Variants in FLT1 observed in about 807,000 individuals in gnomAD.
FLT1 encodes the protein vascular endothelial growth factor receptor 1.
Under a neutral mutation model 156.3 loss-of-function variants are expected in FLT1, and 49 were observed. The observed-to-expected ratio is 0.31, with a 90% CI of 0.25 to 0.40. The LOEUF (loss-of-function observed/expected upper bound fraction) is 0.40. Ranked by LOEUF, FLT1 falls within the 10% of genes least tolerant of loss-of-function variation. The pLI is 1.00. For synonymous variants in FLT1, 594 were observed against 583.8 expected, an observed-to-expected ratio of 1.02 and a Z score of -0.25; for missense variants, 1,322 against 1,637.2, an observed-to-expected ratio of 0.81 and a Z score of 3.32.
In FLT1 at chr13:28,430,071, A is replaced by G. The variant is rs750136660; in HGVS notation, c.1085T>C (p.Phe362Ser). The G allele has an allele frequency of 5.6e-6, 9 of 1,612,414 alleles. No homozygotes were observed. In the South Asian group the frequency reaches 8.8e-5, roughly 16 times the overall value. ...SYRLSMKVKAFPSPEVVWLKD... is the reference protein window; with the variant it reads ...SYRLSMKVKASPSPEVVWLKD... ...CTACCATACAACTTCCGGCGAGGGAAATGCCTTCACTTTCATAGAGAGCCG... is the reference window on the plus strand; with the variant it reads ...CTACCATACAACTTCCGGCGAGGGAGATGCCTTCACTTTCATAGAGAGCCG... Residue 362 changes from phenylalanine to serine, a missense_variant, in exon 8 of 30, where the codon TTT (phenylalanine) becomes TCT (serine). This residue lies in a region of FLT1 where 991 missense variants were observed against 1,254.8 expected (regional missense o/e 0.79). Transcript: ENST00000282397.
At chr13:28,464,395 A>G (rs532002933) in intron 3 of FLT1, among the ~76,000 whole-genome samples, 2 of 152,340 alleles carry the variant, frequency 1.3e-5, no homozygotes, top group Admixed American at 6.5e-5. Flanking sequence ...CTCCCCGACA[A>G]TCCCACAAGA....
At chr13:28,376,725 G>C (rs1873854858) in intron 14 of FLT1, among the ~76,000 whole-genome samples, 1 of 152,214 alleles carries the variant, frequency 6.6e-6, no homozygotes, top group Non-Finnish European at 1.5e-5. Flanking sequence ...GCTCAGCAAT[G>C]TCATAACTTG....
At position 28,372,062 on chromosome 13, in the gene FLT1, ATATATATATATATATTTT is replaced by A. The variant is rs1170424773; in HGVS notation, c.2116+12805_2116+12822del. 3.1e-4 allele frequency among the ~76,000 whole-genome samples: 10 copies of A among 32,566 alleles called. 1 individual carries two copies. Among genetic ancestry groups the A allele is most frequent in the East Asian group, 1.4e-3 (1 of 710 alleles). 21.4% of individuals were successfully genotyped at this position (32,566 alleles called of 152,430 possible). ...TGTGTGTGTGTGTATATATATATAT[ATATATATATATATATTTT>A]TTTTTTTTTTTTTTTTTTTGAGACA... On this transcript the variant is annotated intron_variant, in intron 14 of 29. Transcript: ENST00000282397.
intron 14 of FLT1, among the ~76,000 whole-genome samples, chr13:28,363,395 T>C (rs916786762): frequency 2.0e-5 from 3 of 152,190 alleles, no homozygotes; most frequent in Admixed American, 2.0e-4. Flanking sequence ...TCCCTTCCTT[T>C]ACCCTCTCTC....
chr13:28,345,630 G>C, intron 15 of FLT1, 79 bp from the exon 16 acceptor site: 2 of 902,082 alleles, frequency 2.2e-6, no homozygotes, highest in South Asian at 1.4e-5. Flanking sequence ...TATAAAAGAG[G>C]CTCAGTTTCC....
intron 16 of FLT1, among the ~76,000 whole-genome samples, chr13:28,342,641 A>C (rs1872381944): frequency 6.6e-6 from 1 of 152,210 alleles, no homozygotes; most frequent in Non-Finnish European, 1.5e-5. Flanking sequence ...ATCTAAGGTC[A>C]AATAGCCTGG....
Position 28,386,265 on chromosome 13 carries a change from C to T in FLT1, c.1970-1234G>A, listed in dbSNP as rs1434833990. ...TTCCCTTTTGAGTCCTGCAGGGCAA[C>T]TCTCAGGATTAGCATTTGTTAAAGC... On this transcript the variant is annotated intron_variant, in intron 13 of 29. Transcript: ENST00000282397. 4 of 1,049,868 alleles carry T rather than the reference C, an allele frequency of 3.8e-6. No homozygotes were observed. In the African/African-American group the frequency reaches 6.6e-5, roughly 17 times the overall value. The allele number at this position is 1,049,868 out of a possible 1,614,324, so 65.0% of individuals were successfully genotyped here.
chr13:28,337,237 CATCT>C (rs1302578788), intron 17 of FLT1, among the ~76,000 whole-genome samples: 1 of 151,848 alleles, frequency 6.6e-6, no homozygotes, highest in Non-Finnish European at 1.5e-5. Context: ...CAACTGCATC[CATCT>C]ATCAGGTACT....
intron 13 of FLT1, chr13:28,389,382 A>G: frequency 4.7e-6 from 6 of 1,266,006 alleles, no homozygotes; most frequent in Non-Finnish European, 6.0e-6. Context: ...ACTTAAAAAT[A>G]AAAAGAGGTT....
chr13:28,324,521 A>AG (rs1241919494), intron 20 of FLT1, among the ~76,000 whole-genome samples: 5 of 152,230 alleles, frequency 3.3e-5, no homozygotes, highest in African/African-American at 1.2e-4. Context: ...TTGCAGAGGG[A>AG]GGCAGGCCTC....
intron 10 of FLT1, among the ~76,000 whole-genome samples, chr13:28,419,844 A>G (rs894239383): frequency 2.0e-5 from 3 of 152,212 alleles, no homozygotes; most frequent in African/African-American, 4.8e-5. Context: ...GTGCCACTGC[A>G]CTCCAGCTTG....
chr13:28,418,645 C>T (rs972425990), intron 10 of FLT1, among the ~76,000 whole-genome samples: 15 of 152,150 alleles, frequency 9.9e-5, no homozygotes, highest in Admixed American at 8.5e-4. Flanking sequence ...ACGACTGCAG[C>T]CTCAACCTCC....
At chr13:28,427,030 CAGGGAGAGCCTTTG>C in intron 10 of FLT1, 115 bp downstream of exon 10, 1 of 854,898 alleles carries the variant, frequency 1.2e-6, no homozygotes, top group Non-Finnish European at 2.0e-6. Context: ...TTTTCCAAGG[CAGGGAGAGCCTTTG>C]CCTCAAATAT....
At chr13:28,470,607 C>G (rs1301483694) in intron 1 of FLT1, among the ~76,000 whole-genome samples, 1 of 152,178 alleles carries the variant, frequency 6.6e-6, no homozygotes, top group African/African-American at 2.4e-5. Context: ...ACTTAGAACA[C>G]CAGTACTCCT....
At chr13:28,417,948 G>A (rs1226458079) in intron 10 of FLT1, among the ~76,000 whole-genome samples, 2 of 151,712 alleles carry the variant, frequency 1.3e-5, no homozygotes, top group Non-Finnish European at 2.9e-5. Context: ...TCCTTTAATT[G>A]CTCTCCTGAC....
intron 13 of FLT1, chr13:28,389,134 A>G: frequency 9.5e-7 from 1 of 1,055,538 alleles, no homozygotes; most frequent in Non-Finnish European, 1.1e-6. Flanking sequence ...TTCAAGATAA[A>G]TGTGCTTAAC....
intron 20 of FLT1, among the ~76,000 whole-genome samples, chr13:28,323,434 G>A (rs1051556559): frequency 1.3e-5 from 2 of 152,018 alleles, no homozygotes; most frequent in African/African-American, 4.8e-5. Flanking sequence ...GGTGAATCAC[G>A]TGAGGTCGGG....
At chr13:28,316,699 C>T (rs1182560577) in intron 25 of FLT1, among the ~76,000 whole-genome samples, 1 of 148,076 alleles carries the variant, frequency 6.8e-6, no homozygotes, top group African/African-American at 2.5e-5. Context: ...AGTGCAGTGG[C>T]GTGATCTTGG....
chr13:28,450,112 GACGTATT>G (rs1878850266), intron 3 of FLT1, among the ~76,000 whole-genome samples: 1 of 152,204 alleles, frequency 6.6e-6, no homozygotes, highest in South Asian at 2.1e-4. Flanking sequence ...GTGAAATCAG[GACGTATT>G]ATGTACCCAG....
Sources: allele counts gnomAD v4.1 joint callset (sites outside exome capture counted in the v4.1 genomes callset), GRCh38; gene constraint gnomAD v4.1.1; regional missense constraint gnomAD v4.1.1; transcripts MANE v1.5; gene names NCBI Gene and HGNC (gene_info 2026-07-23, HGNC 2026-07-21).